Variants in SSH2 observed in about 807,000 individuals in gnomAD.
SSH2 encodes protein phosphatase Slingshot homolog 2.
In SSH2, 37 loss-of-function variants were observed where a neutral mutation model predicts 135.2. The observed-to-expected ratio is 0.27, with a 90% CI of 0.21 to 0.36. The LOEUF (loss-of-function observed/expected upper bound fraction) is 0.36, where lower values mean the gene tolerates loss of function less well. Ranked by LOEUF, SSH2 falls within the 10% of genes least tolerant of loss-of-function variation. SSH2 has a pLI of 1.00. For missense variants in SSH2, 1,408 were observed against 1,765.3 expected (o/e 0.80, Z 3.63); for synonymous variants, 628 against 646.2 (o/e 0.97, Z 0.43).
At chr17:29,643,354 G>C (rs1252369782) in intron 14 of SSH2, 7 of 797,092 alleles carry the variant, frequency 8.8e-6, no homozygotes, top group Non-Finnish European at 1.1e-5. Context: ...GGTGTTCACT[G>C]TCCCATGGGT....
At chr17:29,723,820 C>T (rs2039898528) in intron 3 of SSH2, among the ~76,000 whole-genome samples, 1 of 152,142 alleles carries the variant, frequency 6.6e-6, no homozygotes. Flanking sequence ...AATCAGGCCT[C>T]ATGCTAGGGG....
chr17:29,914,428 G>C (rs1283514909), intron 1 of SSH2, among the ~76,000 whole-genome samples: 1 of 151,864 alleles, frequency 6.6e-6, no homozygotes, highest in Non-Finnish European at 1.5e-5. Context: ...AGGCAGGTGT[G>C]GTGGTACGCA....
At chr17:29,646,300 T>C (rs1254007777) in intron 14 of SSH2, among the ~76,000 whole-genome samples, 4 of 152,116 alleles carry the variant, frequency 2.6e-5, no homozygotes, top group Non-Finnish European at 4.4e-5. Flanking sequence ...TTCTTACCGA[T>C]ATAGGAAGAC....
chr17:29,702,376 CG>C (rs2039020377), intron 4 of SSH2, among the ~76,000 whole-genome samples: 2 of 150,132 alleles, frequency 1.3e-5, no homozygotes, highest in Admixed American at 1.3e-4. Context: ...CAACCCTGGC[CG>C]GGCGTGGTGG....
intron 1 of SSH2, among the ~76,000 whole-genome samples, chr17:29,864,500 T>C (rs2065820120): frequency 6.6e-6 from 1 of 151,926 alleles, no homozygotes; most frequent in Admixed American, 6.6e-5. Flanking sequence ...AAGTCTTCTA[T>C]TGCAACTAAC....
intron 3 of SSH2, among the ~76,000 whole-genome samples, chr17:29,718,356 C>T (rs767982010): frequency 4.6e-5 from 7 of 152,146 alleles, no homozygotes; most frequent in Non-Finnish European, 7.3e-5. Flanking sequence ...TGGCTATCAC[C>T]ATCCTGTATG....
chr17:29,890,261 A>G (rs967026361), intron 1 of SSH2, among the ~76,000 whole-genome samples: 1 of 152,300 alleles, frequency 6.6e-6, no homozygotes, highest in African/African-American at 2.4e-5. Context: ...CTGGCAGTTC[A>G]TCAGTTAAAA....
At chr17:29,700,281 G>T (rs1188762848) in intron 4 of SSH2, among the ~76,000 whole-genome samples, 2 of 152,066 alleles carry the variant, frequency 1.3e-5, no homozygotes, top group South Asian at 2.1e-4. Context: ...CTACTGATCA[G>T]GATTAGTGTC....
At chr17:29,855,108 C>T (rs2065638093) in intron 1 of SSH2, among the ~76,000 whole-genome samples, 2 of 152,288 alleles carry the variant, frequency 1.3e-5, no homozygotes, top group Non-Finnish European at 2.9e-5. Flanking sequence ...CTTTTTTCCT[C>T]CATCTTTCAT....
intron 3 of SSH2, among the ~76,000 whole-genome samples, chr17:29,718,211 G>C (rs1275840193): frequency 1.3e-5 from 2 of 151,998 alleles, no homozygotes; most frequent in Non-Finnish European, 2.9e-5. Flanking sequence ...CTATGTTTCT[G>C]ACTATTCCTT....
chr17:29,757,555 T>C (rs2041165617), intron 3 of SSH2, among the ~76,000 whole-genome samples: 1 of 151,722 alleles, frequency 6.6e-6, no homozygotes, highest in South Asian at 2.1e-4. Flanking sequence ...TACTAATAAA[T>C]ACAGTTTAGA....
At chr17:29,890,078 A>G (rs1321135607) in intron 1 of SSH2, among the ~76,000 whole-genome samples, 1 of 152,258 alleles carries the variant, frequency 6.6e-6, no homozygotes, top group East Asian at 1.9e-4. Context: ...CAACATCATT[A>G]GCCACTAGGG....
At chr17:29,661,084 A>C (rs989487215) in intron 11 of SSH2, among the ~76,000 whole-genome samples, 53 of 149,954 alleles carry the variant, frequency 3.5e-4, no homozygotes, top group Non-Finnish European at 4.9e-4. Flanking sequence ...AAAAAAAAAG[A>C]AAAGCAAATA....
At chr17:29,748,694 G>A (rs2040835832) in intron 3 of SSH2, among the ~76,000 whole-genome samples, 1 of 151,594 alleles carries the variant, frequency 6.6e-6, no homozygotes, top group Non-Finnish European at 1.5e-5. Flanking sequence ...AAATGTGAGT[G>A]GTAAAAAAAA....
intron 3 of SSH2, among the ~76,000 whole-genome samples, chr17:29,763,326 A>G (rs762203225): frequency 2.0e-5 from 3 of 152,170 alleles, no homozygotes; most frequent in Admixed American, 6.5e-5. Flanking sequence ...CATCTCTAGG[A>G]AGGAAAATGT....
chr17:29,676,737 C>T (rs2151058381), intron 8 of SSH2, 83 bp downstream of exon 8: 1 of 1,133,846 alleles, frequency 8.8e-7, no homozygotes, highest in Non-Finnish European at 1.3e-6. Flanking sequence ...TCATAGCAAA[C>T]TGTACCATTT....
At chr17:29,927,364 A>G (rs184442071) in intron 1 of SSH2, among the ~76,000 whole-genome samples, 1 of 152,158 alleles carries the variant, frequency 6.6e-6, no homozygotes, top group Non-Finnish European at 1.5e-5. Flanking sequence ...TCAATTTCCT[A>G]TACATCTTAG....
chr17:29,650,623 G>T (rs768296085), intron 13 of SSH2, 31 bp downstream of exon 13: 1 of 1,583,440 alleles, frequency 6.3e-7, no homozygotes, highest in South Asian at 1.2e-5. Flanking sequence ...GAGGAACAGA[G>T]ATCACAACAT....
At chr17:29,908,607 T>C (rs1365940740) in intron 1 of SSH2, among the ~76,000 whole-genome samples, 3 of 150,484 alleles carry the variant, frequency 2.0e-5, no homozygotes, top group Admixed American at 6.6e-5. Context: ...CTACTAAAAA[T>C]ACAAAAATTA....
Sources: gnomAD v4.1 joint callset for allele counts (sites outside exome capture counted in the v4.1 genomes callset) on GRCh38, gnomAD v4.1.1 for gene constraint, MANE v1.5 for transcripts, NCBI Gene and HGNC (gene_info 2026-07-23, HGNC 2026-07-21) for gene names.